Variants in ECT2L observed in about 807,000 individuals in gnomAD.
The protein encoded by ECT2L is epithelial cell-transforming sequence 2 oncogene-like.
ECT2L carries 126 observed loss-of-function variants against 122.8 expected under a neutral mutation model. The ratio of observed to expected loss-of-function variants is 1.03; its 90% CI spans 0.89 to 1.19. ECT2L has a LOEUF of 1.19. ECT2L is among the 50% of genes most tolerant of loss of function. ECT2L has a pLI of 0.00. For missense variants in ECT2L, 1,012 were observed against 1,064.1 expected (o/e 0.95, Z 0.68); for synonymous variants, 385 against 381.8 (o/e 1.01, Z -0.10).
intron 5 of ECT2L, among the ~76,000 whole-genome samples, chr6:138,839,127 GTATAT>G (rs1302427690): frequency 6.6e-6 from 1 of 152,110 alleles, no homozygotes; most frequent in Non-Finnish European, 1.5e-5. Flanking sequence ...TTTAGATTTT[GTATAT>G]TATCTCTGAT....
chr6:138,796,948 A>G (rs563912829), intron 1 of ECT2L, among the ~76,000 whole-genome samples: 7 of 152,326 alleles, frequency 4.6e-5, no homozygotes, highest in African/African-American at 1.7e-4. Flanking sequence ...TGGGAGGAAG[A>G]AGGGTTAAGG....
chr6:138,887,016 T>C, intron 19 of ECT2L, 94 bp downstream of exon 19: 2 of 1,021,398 alleles, frequency 2.0e-6, no homozygotes, highest in Non-Finnish European at 3.0e-6. Flanking sequence ...AGGCAGCTAG[T>C]ATTTGTGGAA....
At chr6:138,822,856 G>A in intron 4 of ECT2L, 3 of 1,613,966 alleles carry the variant, frequency 1.9e-6, no homozygotes, top group Non-Finnish European at 2.5e-6. Flanking sequence ...GAAGATGTCA[G>A]AGAATTTGCA....
At chr6:138,887,785 C>A (rs1198922453) in intron 19 of ECT2L, among the ~76,000 whole-genome samples, 1 of 152,208 alleles carries the variant, frequency 6.6e-6, no homozygotes, top group African/African-American at 2.4e-5. Context: ...TCTGAAATTG[C>A]TTTTCTTTCC....
chr6:138,823,588 T>A, intron 4 of ECT2L: 1 of 1,432,168 alleles, frequency 7.0e-7, no homozygotes, highest in Non-Finnish European at 9.5e-7. Flanking sequence ...AGCAAACGCA[T>A]GGACATCGCC....
chr6:138,842,074 A>C (rs1777058850), intron 5 of ECT2L, among the ~76,000 whole-genome samples: 1 of 152,260 alleles, frequency 6.6e-6, no homozygotes, highest in South Asian at 2.1e-4. Flanking sequence ...TATAACATAT[A>C]TATTCATCAA....
chr6:138,846,768 T>C, intron 8 of ECT2L, 91 bp downstream of exon 8: 1 of 1,289,552 alleles, frequency 7.8e-7, no homozygotes, highest in East Asian at 2.7e-5. Context: ...GACAAGCTTT[T>C]GGCCACCATG....
intron 1 of ECT2L, among the ~76,000 whole-genome samples, chr6:138,801,588 C>T (rs1329212122): frequency 2.0e-5 from 3 of 151,998 alleles, no homozygotes. Context: ...CCCGTCTCTA[C>T]TGAAAATACA....
At chr6:138,851,618 C>A (rs1233971872) in intron 9 of ECT2L, among the ~76,000 whole-genome samples, 2 of 149,226 alleles carry the variant, frequency 1.3e-5, no homozygotes, top group African/African-American at 4.9e-5. Flanking sequence ...TGGTTATCTT[C>A]TTCAGAGAAA....
intron 4 of ECT2L, among the ~76,000 whole-genome samples, chr6:138,818,190 C>G (rs1380198631): frequency 2.0e-5 from 3 of 152,114 alleles, no homozygotes; most frequent in Non-Finnish European, 4.4e-5. Flanking sequence ...AATGCATTGA[C>G]CCAGGTGTGT....
At chr6:138,893,532 C>T (rs998400866) in intron 20 of ECT2L, among the ~76,000 whole-genome samples, 6 of 151,900 alleles carry the variant, frequency 3.9e-5, no homozygotes, top group South Asian at 2.1e-4. Flanking sequence ...GGGATTCTCC[C>T]GCCTCAGCCT....
intron 4 of ECT2L, among the ~76,000 whole-genome samples, chr6:138,817,081 ATAT>A (rs1776093796): frequency 6.6e-6 from 1 of 151,934 alleles, no homozygotes; most frequent in African/African-American, 2.4e-5. Context: ...CTTCTTTCAC[ATAT>A]TATAACGTTC....
chr6:138,896,139 C>T (rs1779203719), intron 20 of ECT2L, among the ~76,000 whole-genome samples: 1 of 145,532 alleles, frequency 6.9e-6, no homozygotes, highest in Admixed American at 6.7e-5. Flanking sequence ...CCATGCTGGC[C>T]AGGCTGGTCT....
At chr6:138,898,264 T>G (rs1779281495) in intron 20 of ECT2L, among the ~76,000 whole-genome samples, 4 of 152,188 alleles carry the variant, frequency 2.6e-5, no homozygotes, top group Admixed American at 2.6e-4. Flanking sequence ...GATCTAGAAA[T>G]ATTTTTTGCA....
chr6:138,802,197 G>A (rs1775567630), intron 1 of ECT2L, among the ~76,000 whole-genome samples: 1 of 152,212 alleles, frequency 6.6e-6, no homozygotes, highest in Admixed American at 6.5e-5. Flanking sequence ...AACAGTTTAG[G>A]AGGAACTGTA....
chr6:138,832,740 GTTT>G (rs1385232354), intron 4 of ECT2L, among the ~76,000 whole-genome samples: 1 of 150,928 alleles, frequency 6.6e-6, no homozygotes, highest in Non-Finnish European at 1.5e-5. Context: ...GTGTCCTTGT[GTTT>G]TTTTGTTGTT....
chr6:138,879,875 C>A (rs1489994677), intron 14 of ECT2L, among the ~76,000 whole-genome samples: 1 of 152,186 alleles, frequency 6.6e-6, no homozygotes, highest in Non-Finnish European at 1.5e-5. Context: ...ATTGCTTGAA[C>A]CCAGGAGGCG....
chr6:138,856,270 A>T (rs1422248890), intron 10 of ECT2L, among the ~76,000 whole-genome samples: 1 of 149,268 alleles, frequency 6.7e-6, no homozygotes, highest in African/African-American at 2.5e-5. Context: ...ACTGGAGTGC[A>T]GTGGCGTGAT....
chr6:138,796,599 G>T (rs182084331), intron 1 of ECT2L, among the ~76,000 whole-genome samples: 1 of 151,980 alleles, frequency 6.6e-6, no homozygotes, highest in Non-Finnish European at 1.5e-5. Flanking sequence ...AGGGAGTAGG[G>T]TGGGGGCTGG....
Sources: gnomAD v4.1 joint callset for allele counts (sites outside exome capture counted in the v4.1 genomes callset) on GRCh38, gnomAD v4.1.1 for gene constraint, MANE v1.5 for transcripts, NCBI Gene and HGNC (gene_info 2026-07-23, HGNC 2026-07-21) for gene names.